The following KCNH5 variants were observed in gnomAD, a reference collection of about 807,000 sequenced individuals.
KCNH5 encodes potassium voltage-gated channel subfamily H member 5, also known as voltage-gated delayed rectifier potassium channel KCNH5.
A neutral mutation model predicts 96.1 loss-of-function variants in KCNH5; 46 were observed. The observed-to-expected ratio is 0.48, with a 90% CI of 0.38 to 0.61. The LOEUF (loss-of-function observed/expected upper bound fraction) is 0.61. Among genes scored for constraint, KCNH5 ranks in the 20% least tolerant of loss-of-function variants. KCNH5 has a pLI of 0.00. For missense variants in KCNH5, 907 were observed against 1,225.8 expected (o/e 0.74, Z 3.88); for synonymous variants, 439 against 449.8 (o/e 0.98, Z 0.30).
At chr14:62,897,161 A>G (rs961851635) in intron 7 of KCNH5, among the ~76,000 whole-genome samples, 8 of 152,188 alleles carry the variant, frequency 5.3e-5, no homozygotes, top group African/African-American at 1.7e-4. Flanking sequence ...CAATTTTGCT[A>G]ATGCTTTACT....
At chr14:62,970,461 G>GCTC (rs1457444031) in intron 6 of KCNH5, among the ~76,000 whole-genome samples, 3 of 152,134 alleles carry the variant, frequency 2.0e-5, no homozygotes, top group African/African-American at 7.2e-5. Flanking sequence ...GGTAGAGGCA[G>GCTC]AAAGAATACT....
At chr14:62,955,463 A>T (rs1459065563) in intron 6 of KCNH5, among the ~76,000 whole-genome samples, 1 of 152,240 alleles carries the variant, frequency 6.6e-6, no homozygotes, top group African/African-American at 2.4e-5. Flanking sequence ...CCTATGTGGT[A>T]CCTATCATTA....
Position 62,950,989 on chromosome 14 carries a change from T to C in KCNH5, c.943-430A>G, listed in dbSNP as rs1276309492. On this transcript the variant is annotated intron_variant, in intron 6 of 10. Transcript: ENST00000322893. ...AGGTTTCTTTTCATTTCTTATTTTA[T>C]GATAGCTACAAATAGCAGAACTCTG... Among the ~76,000 whole-genome samples the C allele has an allele frequency of 2.0e-5, 3 of 152,350 alleles. No homozygotes were observed. The East Asian group carries it at 5.8e-4, about 29-fold the overall frequency.
intron 1 of KCNH5, among the ~76,000 whole-genome samples, chr14:63,032,857 G>A (rs1891653637): frequency 6.6e-6 from 1 of 152,204 alleles, no homozygotes; most frequent in African/African-American, 2.4e-5. Flanking sequence ...CGATGATGCA[G>A]ATGGTCTTTA....
chr14:62,974,587 T>C (rs1249732384), intron 6 of KCNH5, among the ~76,000 whole-genome samples: 1 of 152,212 alleles, frequency 6.6e-6, no homozygotes, highest in Non-Finnish European at 1.5e-5. Context: ...CATGAATTCC[T>C]AGTAAACCAA....
intron 8 of KCNH5, among the ~76,000 whole-genome samples, chr14:62,834,639 T>C (rs243149): frequency 0.33 from 49,878 of 151,762 alleles, 9,056 homozygotes; most frequent in South Asian, 0.59. Flanking sequence ...TAAAAAGTCT[T>C]AAGTGGAGGT....
intron 7 of KCNH5, among the ~76,000 whole-genome samples, chr14:62,869,659 T>C (rs1888211674): frequency 6.6e-6 from 1 of 152,148 alleles, no homozygotes; most frequent in African/African-American, 2.4e-5. Flanking sequence ...TTTATTATTT[T>C]AGGTCTTGGA....
chr14:62,910,928 C>A (rs1471344950), intron 7 of KCNH5, among the ~76,000 whole-genome samples: 2 of 144,840 alleles, frequency 1.4e-5, no homozygotes, highest in Admixed American at 1.4e-4. Context: ...CACACACACA[C>A]ACACACACAC....
At chr14:62,712,484 G>A in intron 10 of KCNH5, 1 of 607,708 alleles carries the variant, frequency 1.6e-6, no homozygotes, top group Non-Finnish European at 3.0e-6. Context: ...GGCATAAAGA[G>A]TTTAAGTGGT....
At chr14:62,833,003 T>C (rs1887388234) in intron 8 of KCNH5, among the ~76,000 whole-genome samples, 2 of 152,104 alleles carry the variant, frequency 1.3e-5, no homozygotes, top group Non-Finnish European at 2.9e-5. Context: ...GAGTTTCTTA[T>C]CAATTTTGGG....
chr14:63,003,624 A>ATATATATATATATAT (rs1491457497), intron 3 of KCNH5, among the ~76,000 whole-genome samples: 88 of 92,410 alleles, frequency 9.5e-4, no homozygotes, highest in African/African-American at 4.1e-3. Flanking sequence ...ATATATATAT[A>ATATATATATATATAT]TTTTTTTTTT....
Position 62,946,756 on chromosome 14 carries a change from A to G in KCNH5, c.1369+3377T>C, listed in dbSNP as rs1889895306. On this transcript the variant is annotated intron_variant, in intron 7 of 10. Transcript: ENST00000322893. Reference sequence around the variant, plus strand: ...CTCAGCAATAAAAAAGAACAAATTAATTACTGATACATTCAACTTAGATGG... The same window carrying G: ...CTCAGCAATAAAAAAGAACAAATTAGTTACTGATACATTCAACTTAGATGG... Among the ~76,000 whole-genome samples, 5 of 152,158 alleles carry G rather than the reference A, an allele frequency of 3.3e-5. No individual in the cohort carries two copies. The South Asian group carries it at 1.0e-3, about 31-fold the overall frequency.
intron 8 of KCNH5, among the ~76,000 whole-genome samples, chr14:62,821,740 G>C (rs1887117997): frequency 1.3e-5 from 2 of 152,026 alleles, no homozygotes; most frequent in South Asian, 2.1e-4. Context: ...TCCATGAGTA[G>C]CAAAAAAGCT....
chr14:63,011,096 G>T (rs1891216603), intron 2 of KCNH5, among the ~76,000 whole-genome samples: 1 of 152,120 alleles, frequency 6.6e-6, no homozygotes, highest in Admixed American at 6.5e-5. Context: ...AATCATAAAG[G>T]TTAATGGGAG....
chr14:63,005,073 A>G (rs940047779), intron 3 of KCNH5, among the ~76,000 whole-genome samples: 5 of 152,228 alleles, frequency 3.3e-5, no homozygotes, highest in African/African-American at 1.2e-4. Flanking sequence ...TGGCAAAAAA[A>G]GACCCAGAAA....
At chr14:62,788,003 T>A (rs184259801) in intron 9 of KCNH5, among the ~76,000 whole-genome samples, 59 of 152,314 alleles carry the variant, frequency 3.9e-4, no homozygotes, top group African/African-American at 1.4e-3. Context: ...CAAGGAGCAA[T>A]TTTGACTTTC....
At chr14:62,987,277 C>G (rs1447230009) in intron 4 of KCNH5, 90 bp from the exon 5 acceptor site, 1 of 851,576 alleles carries the variant, frequency 1.2e-6, no homozygotes, top group African/African-American at 1.7e-5. Context: ...TCTCAGCAAC[C>G]ACATAACATC....
At chr14:62,760,855 T>C (rs1467938759) in intron 10 of KCNH5, among the ~76,000 whole-genome samples, 2 of 152,248 alleles carry the variant, frequency 1.3e-5, no homozygotes, top group Non-Finnish European at 2.9e-5. Context: ...GATGTTATTT[T>C]GGTGAGAACA....
At chr14:62,763,189 C>A (rs77687552) in intron 10 of KCNH5, among the ~76,000 whole-genome samples, 1,761 of 152,256 alleles carry the variant, frequency 0.012, 31 homozygotes, top group African/African-American at 0.04. Flanking sequence ...AACATATCAA[C>A]CACACTTCCA....
Sources: gnomAD v4.1 joint callset for allele counts (sites outside exome capture counted in the v4.1 genomes callset) on GRCh38, gnomAD v4.1.1 for gene constraint, MANE v1.5 for transcripts, NCBI Gene and HGNC (gene_info 2026-07-23, HGNC 2026-07-21) for gene names.